The following TP53BP1 variants were observed in gnomAD, a reference collection of about 807,000 sequenced individuals.
TP53BP1 encodes the protein TP53-binding protein 1.
In TP53BP1, 61 loss-of-function variants were observed where a neutral mutation model predicts 200.8. The observed-to-expected ratio is 0.30, with a 90% confidence interval of 0.25 to 0.38. TP53BP1 has a LOEUF of 0.38. Among genes scored for constraint, TP53BP1 ranks in the 10% least tolerant of loss-of-function variants. The pLI, the probability that TP53BP1 is intolerant of heterozygous loss-of-function variation, is 1.00. For missense variants in TP53BP1, 2,144 were observed against 2,371.9 expected (o/e 0.90, Z 2.00); for synonymous variants, 822 against 844.3 (o/e 0.97, Z 0.46).
chr15:43,407,879 C>CCT, intron 27 of TP53BP1, 64 bp downstream of exon 27: 1 of 1,513,386 alleles, frequency 6.6e-7, no homozygotes, highest in Non-Finnish European at 8.9e-7. Context: ...GACCACAAGG[C>CCT]CTAACACCTA....
At chr15:43,442,500 A>AT (rs1300683751) in intron 14 of TP53BP1, among the ~76,000 whole-genome samples, 1 of 148,878 alleles carries the variant, frequency 6.7e-6, no homozygotes, top group East Asian at 2.0e-4. Flanking sequence ...ACAATGAGTA[A>AT]CTTTTTTTTT....
At chr15:43,492,983 C>T (rs1206695976) in intron 1 of TP53BP1, 54 bp downstream of exon 1, 1 of 1,610,568 alleles carries the variant, frequency 6.2e-7, no homozygotes, top group Admixed American at 1.7e-5. Flanking sequence ...CCCTTCAGAC[C>T]CGAAATCCAG....
chr15:43,415,551 T>A, intron 23 of TP53BP1, 43 bp downstream of exon 23: 1 of 1,599,758 alleles, frequency 6.3e-7, no homozygotes, highest in Non-Finnish European at 8.6e-7. Context: ...CCCTGCATTC[T>A]GCCATGGTCT....
chr15:43,464,400 A>G (rs1362070630), intron 11 of TP53BP1, among the ~76,000 whole-genome samples: 1 of 152,266 alleles, frequency 6.6e-6, no homozygotes, highest in African/African-American at 2.4e-5. Flanking sequence ...TTAATAACTA[A>G]GAGAAGAATT....
chr15:43,479,755 T>C, intron 6 of TP53BP1, 104 bp downstream of exon 6: 2 of 1,393,784 alleles, frequency 1.4e-6, no homozygotes, highest in Non-Finnish European at 2.0e-6. Context: ...ATTACTTAGA[T>C]TATATTAATT....
At chr15:43,442,397 G>T (rs991779205) in intron 14 of TP53BP1, among the ~76,000 whole-genome samples, 2 of 151,818 alleles carry the variant, frequency 1.3e-5, no homozygotes, top group African/African-American at 4.8e-5. Flanking sequence ...GCTATTTCTT[G>T]TAATTTAATG....
chr15:43,433,049 T>C lies in TP53BP1; in HGVS notation c.3192-372A>G, dbSNP rs45538441. On this transcript the variant is annotated intron_variant, in intron 16 of 27. Coordinates refer to ENST00000382044, the MANE Select transcript of TP53BP1 (RefSeq NM_001141980.3). Reference sequence around the variant, plus strand: ...ATGAAGGGCAACTTAGGGATCTATTTTGAAAAAAGATCAATTAAGTCAAGA... The same window carrying C: ...ATGAAGGGCAACTTAGGGATCTATTCTGAAAAAAGATCAATTAAGTCAAGA... Among the ~76,000 whole-genome samples the C allele has an allele frequency of 3.1e-4, 47 of 152,212 alleles. No individual in the cohort carries two copies. In the East Asian group the frequency reaches 3.7e-3, roughly 12 times the overall value.
At chr15:43,450,461 G>A (rs1450433945) in intron 12 of TP53BP1, among the ~76,000 whole-genome samples, 1 of 152,188 alleles carries the variant, frequency 6.6e-6, no homozygotes, top group Admixed American at 6.5e-5. Flanking sequence ...ATTCTATCAA[G>A]TAAGCAAATA....
At chr15:43,457,244 T>A (rs762556319) in intron 11 of TP53BP1, 26 bp from the exon 12 acceptor site, 74 of 1,546,588 alleles carry the variant, frequency 4.8e-5, no homozygotes, top group Non-Finnish European at 6.4e-5. Flanking sequence ...AAGAGACAAA[T>A]TGTAATTTGT....
chr15:43,471,792 TAAAAG>T (rs1053896656), intron 10 of TP53BP1, among the ~76,000 whole-genome samples: 3 of 152,210 alleles, frequency 2.0e-5, no homozygotes, highest in Non-Finnish European at 2.9e-5. Context: ...AGATAAAAGA[TAAAAG>T]AAACTGTTTT....
At chr15:43,432,751 ATG>A (rs1446922226) in intron 16 of TP53BP1, 74 bp from the exon 17 acceptor site, 40 of 1,482,230 alleles carry the variant, frequency 2.7e-5, no homozygotes, top group East Asian at 4.6e-5. Context: ...GTGCGTGTGC[ATG>A]TGTGTGTGTA....
At chr15:43,421,402 A>C (rs915036079) in intron 19 of TP53BP1, among the ~76,000 whole-genome samples, 1 of 152,198 alleles carries the variant, frequency 6.6e-6, no homozygotes, top group African/African-American at 2.4e-5. Flanking sequence ...CCTCTGACAA[A>C]GCTTCCTACT....
chr15:43,477,268 C>A (rs1192997223), intron 8 of TP53BP1, among the ~76,000 whole-genome samples: 1 of 150,460 alleles, frequency 6.6e-6, no homozygotes, highest in Non-Finnish European at 1.5e-5. Flanking sequence ...CCACTGCACT[C>A]CAGCCTGGGT....
At chr15:43,435,689 ATTAAT>A in intron 16 of TP53BP1, among the ~76,000 whole-genome samples, 1 of 148,072 alleles carries the variant, frequency 6.8e-6, no homozygotes. Context: ...TATGCTACCT[ATTAAT>A]TTTTTTTTTT....
rs1383437162 is a variant in TP53BP1, at chr15:43,420,582, T to C, written c.4404A>G (p.Pro1468=). 2 of 1,614,198 alleles carry C rather than the reference T, an allele frequency of 1.2e-6. No individual in the cohort carries two copies. Among genetic ancestry groups the C allele is most frequent in the South Asian group, 1.1e-5 (1 of 91,088 alleles). The part of the protein sequence containing the change: ...GAGALRRSDS[P]EIPFQAAAGP... ...CAGCAGCAGCCTGGAAAGGAATTTC[T>C]GGAGAGTCACTACGACGCAAAGCAC... The change falls in exon 21 of 28, where the codon CCA becomes CCG. Residue 1468 remains proline (P), a synonymous_variant. Coordinates refer to ENST00000382044, the MANE Select transcript of TP53BP1 (RefSeq NM_001141980.3).
Position 43,441,582 on chromosome 15 carries a change from C to A in TP53BP1, c.3042G>T (p.Lys1014Asn). ...CATTTTTTCTTTCACCAGTTGCAGGCTCTGAATAAAAACAAAACCAAGGAG... is the reference window on the plus strand; with the variant it reads ...CATTTTTTCTTTCACCAGTTGCAGGATCTGAATAAAAACAAAACCAAGGAG... Reference protein sequence around the residue: ...SEESLQFNLEKPATGERKNGS... With the variant: ...SEESLQFNLENPATGERKNGS... The change falls in exon 15 of 28, where the codon AAG (lysine) becomes AAT (asparagine). Residue 1014 changes from lysine to asparagine, a missense_variant and splice_region_variant. Lys to Asn is a moderately conservative substitution (Grantham distance 94). Transcript: ENST00000382044. The A allele has an allele frequency of 6.2e-7, 1 of 1,611,460 alleles. No homozygotes were observed. Among genetic ancestry groups the A allele is most frequent in the Non-Finnish European group, 8.5e-7 (1 of 1,177,860 alleles).
At position 43,480,025 on chromosome 15, in the gene TP53BP1, C is replaced by G; in HGVS notation, c.500-8G>C. 6.2e-7 allele frequency: 1 copy of G among 1,613,394 alleles called. No individual in the cohort carries two copies. The highest frequency in any genetic ancestry group is 8.5e-7 in the Non-Finnish European group (1 of 1,179,612). On this transcript the variant is annotated splice_polypyrimidine_tract_variant and splice_region_variant and intron_variant, in intron 5 of 27. Coordinates refer to ENST00000382044, the MANE Select transcript of TP53BP1 (RefSeq NM_001141980.3). ...ACTGTGATGAGGCAGTATCTAGGAA[C>G]AAAATGCCAAGAAATTAGGTATCAT... is the stretch of plus-strand genomic sequence containing the variant.
In TP53BP1 at chr15:43,493,127, G is replaced by C. The variant is rs186346395; in HGVS notation, c.-84C>G. 6.3e-7 allele frequency: 1 copy of C among 1,590,694 alleles called. No homozygotes were observed. Among genetic ancestry groups the C allele is most frequent in the Non-Finnish European group, 8.5e-7 (1 of 1,172,422 alleles). ...CCAGATCGATCCCTAGGTCGCCGCTGTCGCCACCGCCGCCACCGGCCGCGA... is the reference window on the plus strand; with the variant it reads ...CCAGATCGATCCCTAGGTCGCCGCTCTCGCCACCGCCGCCACCGGCCGCGA... On this transcript the variant is annotated 5_prime_UTR_variant, in exon 1 of 28. Coordinates refer to ENST00000382044, the MANE Select transcript of TP53BP1 (RefSeq NM_001141980.3).
At chr15:43,455,655 A>G (rs1348304196) in intron 12 of TP53BP1, among the ~76,000 whole-genome samples, 1 of 151,702 alleles carries the variant, frequency 6.6e-6, no homozygotes, top group Admixed American at 6.6e-5. Context: ...CGGGAGGTGG[A>G]GGTTGCAGGG....
Sources: allele counts gnomAD v4.1 joint callset (sites outside exome capture counted in the v4.1 genomes callset), GRCh38; gene constraint gnomAD v4.1.1; transcripts MANE v1.5; gene names NCBI Gene and HGNC (gene_info 2026-07-23, HGNC 2026-07-21).